MEIOC: variants seen among roughly 807,000 people sequenced by gnomAD.
MEIOC encodes meiosis-specific coiled-coil domain-containing protein MEIOC.
A neutral mutation model predicts 85.3 loss-of-function variants in MEIOC; 9 were observed. The ratio of observed to expected loss-of-function variants is 0.11; its 90% CI spans 0.06 to 0.18. The LOEUF (loss-of-function observed/expected upper bound fraction) is 0.18. MEIOC is among the 10% of genes least tolerant of loss of function. The pLI, the probability that MEIOC is intolerant of heterozygous loss-of-function variation, is 1.00. For missense variants in MEIOC, 898 were observed against 1,129.4 expected (o/e 0.80, Z 2.94); for synonymous variants, 365 against 393.7 (o/e 0.93, Z 0.86).
chr17:44,658,870 GCATAA>G (rs1332077418), intron 2 of MEIOC, among the ~76,000 whole-genome samples: 1 of 151,334 alleles, frequency 6.6e-6, no homozygotes, highest in African/African-American at 2.4e-5. Flanking sequence ...CTTGTCCTTA[GCATAA>G]CATAATTCCA....
rs369272462 is a variant in MEIOC, at chr17:44,667,931, T to A, written c.2020T>A (p.Leu674Ile). 2.5e-6 allele frequency: 4 copies of A among 1,613,750 alleles called. No homozygotes were observed. Among genetic ancestry groups the A allele is most frequent in the Non-Finnish European group, 3.4e-6 (4 of 1,179,848 alleles). The change falls in exon 5 of 8, where the codon TTA becomes ATA. Residue 674 changes from leucine to isoleucine, a missense_variant. Physicochemically the swap from Leu to Ile is conservative, Grantham distance 5 (BLOSUM62 2). This residue lies in a region of MEIOC where 734 missense variants were observed against 860.1 expected (regional missense o/e 0.85). Coordinates refer to ENST00000409122, the MANE Select transcript of MEIOC (RefSeq NM_001145080.3). ...CFSNNYMMGD[L>I]RHNQCFQQLG... The stretch of plus-strand genomic sequence containing the variant: ...TTCTAATAATTATATGATGGGAGAT[T>A]TAAGGCATAATCAGTGTTTTCAACA...
chr17:44,661,533 T>C (rs1971841309), intron 2 of MEIOC, among the ~76,000 whole-genome samples: 1 of 151,998 alleles, frequency 6.6e-6, no homozygotes, highest in Non-Finnish European at 1.5e-5. Context: ...TTTCAGAGAT[T>C]GGGGACATTA....
rs887596016 is a variant in MEIOC, at chr17:44,657,110, A to G, written c.70-17A>G. The G allele has an allele frequency of 1.2e-5, 19 of 1,545,536 alleles. No homozygotes were observed. Among genetic ancestry groups the G allele is most frequent in the Middle Eastern group, 1.7e-4 (1 of 5,952 alleles). On this transcript the variant is annotated splice_polypyrimidine_tract_variant and intron_variant, in intron 1 of 7. Transcript: ENST00000409122. ...TCGTGACCACTTTCTGATATTTCCTATTCCCGTGTGCTGCAGCCCAAAGTC... is the reference window on the plus strand; with the variant it reads ...TCGTGACCACTTTCTGATATTTCCTGTTCCCGTGTGCTGCAGCCCAAAGTC...
chr17:44,674,479 A>G lies in MEIOC; in HGVS notation c.*283A>G. On this transcript the variant is annotated 3_prime_UTR_variant, in exon 8 of 8. Transcript: ENST00000409122. ...TTTCCTAACAGCTAAAATGTGCTTA[A>G]ACTCATTCTGCCATGCAGGTAAATG... 8.9e-7 allele frequency: 1 copy of G among 1,122,258 alleles called. No individual in the cohort carries two copies. Among genetic ancestry groups the G allele is most frequent in the Non-Finnish European group, 1.1e-6 (1 of 915,220 alleles). 69.5% of individuals were successfully genotyped at this position (1,122,258 alleles called of 1,614,324 possible). A position where few individuals can be genotyped will look rare whatever the true frequency, so the allele number is the denominator to read the frequency against.
At chr17:44,658,995 T>G (rs899368968) in intron 2 of MEIOC, among the ~76,000 whole-genome samples, 1 of 152,094 alleles carries the variant, frequency 6.6e-6, no homozygotes, top group Non-Finnish European at 1.5e-5. Context: ...AGGTGAAAAT[T>G]TCACTTTACT....
At chr17:44,662,768 C>G (rs1344993412) in intron 3 of MEIOC, among the ~76,000 whole-genome samples, 1 of 152,214 alleles carries the variant, frequency 6.6e-6, no homozygotes, top group Non-Finnish European at 1.5e-5. Context: ...ACTCCTGCCT[C>G]AGCCTCCACA....
chr17:44,666,997 T>G lies in MEIOC; in HGVS notation c.1086T>G (p.Thr362=). ...CCAATGGCACACCTGAAACACCAAC[T>G]GTAGAAGCAGACACCTACACAAAGT... ...KLANGTPETP[T]VEADTYTKLF... The change falls in exon 5 of 8, where the codon ACT becomes ACG. Residue 362 remains threonine, a synonymous_variant. Coordinates refer to ENST00000409122, the MANE Select transcript of MEIOC (RefSeq NM_001145080.3). 1 of 1,613,546 alleles carries G rather than the reference T, an allele frequency of 6.2e-7. No homozygotes were observed. Among genetic ancestry groups the G allele is most frequent in the Non-Finnish European group, 8.5e-7 (1 of 1,179,690 alleles).
At chr17:44,664,583 A>G (rs1373933963) in intron 3 of MEIOC, among the ~76,000 whole-genome samples, 1 of 152,176 alleles carries the variant, frequency 6.6e-6, no homozygotes, top group Non-Finnish European at 1.5e-5. Flanking sequence ...AGTATAATGT[A>G]TATTTCCAGA....
chr17:44,667,477 C>T lies in MEIOC; in HGVS notation c.1566C>T (p.Ser522=). 6.2e-7 allele frequency: 1 copy of T among 1,613,820 alleles called. No homozygotes were observed. The highest frequency in any genetic ancestry group is 8.5e-7 in the Non-Finnish European group (1 of 1,179,832). The change falls in exon 5 of 8, where the codon TCC becomes TCT. Residue 522 remains serine, a synonymous_variant. Transcript: ENST00000409122. The part of the protein sequence containing the change: ...NHSSDFPQLS[S]TNLTPNSNLF... ...CTTCAGATTTCCCCCAACTATCATCCACAAACTTAACCCCAAATAGCAATT... is the reference window on the plus strand; with the variant it reads ...CTTCAGATTTCCCCCAACTATCATCTACAAACTTAACCCCAAATAGCAATT...
At chr17:44,657,377 A>AATTTTT in intron 2 of MEIOC, 116 bp downstream of exon 2, 1 of 836,708 alleles carries the variant, frequency 1.2e-6, no homozygotes, top group Non-Finnish European at 1.7e-6. Flanking sequence ...ACCAGGGAAA[A>AATTTTT]CTTTTTTTTT....
chr17:44,666,354 T>G (rs1177284108), intron 4 of MEIOC, 22 bp from the exon 5 acceptor site: 12 of 1,503,400 alleles, frequency 8.0e-6, no homozygotes, highest in Non-Finnish European at 1.1e-5. Flanking sequence ...AAGTTGTAAT[T>G]AAATATATTT....
intron 6 of MEIOC, chr17:44,670,339 C>T (rs1002336250): frequency 4.0e-5 from 6 of 149,482 alleles, no homozygotes; most frequent in Non-Finnish European, 7.4e-5. Flanking sequence ...AAGTAATTTT[C>T]GTAATTTAAA....
intron 2 of MEIOC, among the ~76,000 whole-genome samples, chr17:44,661,866 A>G (rs1292112482): frequency 6.6e-6 from 1 of 152,144 alleles, no homozygotes; most frequent in African/African-American, 2.4e-5. Context: ...TTTATATATA[A>G]TGTATTAAAA....
intron 2 of MEIOC, among the ~76,000 whole-genome samples, chr17:44,659,879 T>C (rs1971820902): frequency 6.6e-6 from 1 of 152,202 alleles, no homozygotes; most frequent in Non-Finnish European, 1.5e-5. Flanking sequence ...TCTGGAAAGG[T>C]AGTTTTTAGT....
intron 2 of MEIOC, 21 bp downstream of exon 2, chr17:44,657,282 T>C: frequency 6.5e-7 from 1 of 1,544,612 alleles, no homozygotes; most frequent in Non-Finnish European, 8.8e-7. Context: ...AAACTCTGCC[T>C]CTGTTAGACG....
chr17:44,676,575 C>A (rs1047506660), downstream of MEIOC, among the ~76,000 whole-genome samples: 1 of 152,258 alleles, frequency 6.6e-6, no homozygotes, highest in Middle Eastern at 3.4e-3. Context: ...GTAATCCCAG[C>A]ACTTTGGGAG....
Position 44,675,296 on chromosome 17 carries a change from CT to C in MEIOC, c.*1101del. 5.1e-6 allele frequency: 5 copies of C among 978,806 alleles called. No homozygotes were observed. The highest frequency in any genetic ancestry group is 6.1e-6 in the Non-Finnish European group (5 of 824,032). The allele number at this position is 978,806 out of a possible 1,614,324, so 60.6% of individuals were successfully genotyped here. ...AAAACTATTGAAAGCTTAACTTTTT[CT>C]GTTTCTCATCACTTAGTATCTTTGT... On this transcript the variant is annotated 3_prime_UTR_variant, in exon 8 of 8. Coordinates refer to ENST00000409122, the MANE Select transcript of MEIOC (RefSeq NM_001145080.3).
chr17:44,669,063 C>T (rs1380404111), intron 5 of MEIOC, among the ~76,000 whole-genome samples: 3 of 151,986 alleles, frequency 2.0e-5, no homozygotes, highest in Non-Finnish European at 2.9e-5. Context: ...ATTAGCCAGG[C>T]GTGGTGGCAG....
chr17:44,669,152 G>A (rs760465573), intron 5 of MEIOC, among the ~76,000 whole-genome samples: 26 of 151,998 alleles, frequency 1.7e-4, no homozygotes, highest in East Asian at 3.9e-4. Flanking sequence ...ACAGTGAGCC[G>A]AGACTGCACC....
Sources: allele counts gnomAD v4.1 joint callset (sites outside exome capture counted in the v4.1 genomes callset), GRCh38; gene constraint gnomAD v4.1.1; regional missense constraint gnomAD v4.1.1; transcripts MANE v1.5; gene names NCBI Gene and HGNC (gene_info 2026-07-23, HGNC 2026-07-21).